Variants in PLAG1 observed in about 807,000 individuals in gnomAD.
PLAG1 encodes zinc finger protein PLAG1.
Under a neutral mutation model 35.5 loss-of-function variants are expected in PLAG1, and 7 were observed. The ratio of observed to expected loss-of-function variants is 0.20; its 90% confidence interval spans 0.11 to 0.37. PLAG1 has a LOEUF of 0.37. Among genes scored for constraint, PLAG1 ranks in the 10% least tolerant of loss-of-function variants. The pLI is 1.00. For missense variants in PLAG1, 454 were observed against 602.8 expected (o/e 0.75, Z 2.58); for synonymous variants, 229 against 225.4 (o/e 1.02, Z -0.14).
chr8:56,198,768 C>T (rs1812458626), intron 1 of PLAG1, among the ~76,000 whole-genome samples: 1 of 152,136 alleles, frequency 6.6e-6, no homozygotes, highest in Non-Finnish European at 1.5e-5. Context: ...GTCCCTCTTC[C>T]CTGGCCCCCA....
chr8:56,173,604 C>T (rs1344737270), intron 2 of PLAG1, among the ~76,000 whole-genome samples: 5 of 150,302 alleles, frequency 3.3e-5, no homozygotes, highest in African/African-American at 1.2e-4. Context: ...AAAAAAAACT[C>T]ACAAAGATTG....
At chr8:56,198,632 C>T (rs1812454531) in intron 1 of PLAG1, among the ~76,000 whole-genome samples, 1 of 152,208 alleles carries the variant, frequency 6.6e-6, no homozygotes, top group Non-Finnish European at 1.5e-5. Flanking sequence ...AGCTCCTCCT[C>T]CAGACCTCAG....
Position 56,164,705 on chromosome 8 carries a change from A to C in PLAG1, c.*1538T>G. On this transcript the variant is annotated 3_prime_UTR_variant, in exon 5 of 5. Transcript: ENST00000316981. ...TAATGTCCCAACTGACCCTTAGAAA[A>C]ATATATTAATTAGACCTTTAAGAAG... 4.6e-6 allele frequency: 1 copy of C among 218,238 alleles called. No homozygotes were observed. The highest frequency in any genetic ancestry group is 9.2e-6 in the Non-Finnish European group (1 of 108,360). 13.5% of individuals were successfully genotyped at this position (218,238 alleles called of 1,614,324 possible).
At position 56,162,936 on chromosome 8, in the gene PLAG1, C is replaced by T. The variant is rs189145171; in HGVS notation, c.*3307G>A. ...CTAAATGAAATAAAAAAGTTGCACACAGAGTGATGCATAATCAGCCAGGAC... is the reference window on the plus strand; with the variant it reads ...CTAAATGAAATAAAAAAGTTGCACATAGAGTGATGCATAATCAGCCAGGAC... On this transcript the variant is annotated 3_prime_UTR_variant, in exon 5 of 5. Coordinates refer to ENST00000316981, the MANE Select transcript of PLAG1 (RefSeq NM_002655.3). 2.2e-3 allele frequency: 464 copies of T among 215,338 alleles called. 2 individuals are homozygous for T. The highest frequency in any genetic ancestry group is 0.01 in the African/African-American group (445 of 44,392). The allele number at this position is 215,338 out of a possible 1,614,324, so 13.3% of individuals were successfully genotyped here.
At chr8:56,203,462 T>C (rs1344036598) in intron 1 of PLAG1, among the ~76,000 whole-genome samples, 2 of 152,104 alleles carry the variant, frequency 1.3e-5, no homozygotes, top group Non-Finnish European at 2.9e-5. Flanking sequence ...TCTTACACCT[T>C]TTTCTTAAAA....
Position 56,166,473 on chromosome 8 carries a change from T to C in PLAG1, c.1273A>G (p.Ile425Val). 6.2e-7 allele frequency: 1 copy of C among 1,613,766 alleles called. No individual in the cohort carries two copies. The highest frequency in any genetic ancestry group is 8.5e-7 in the Non-Finnish European group (1 of 1,179,776). Reference protein sequence around the residue: ...ALDFSQLFNFIPLNGPPYNPL... With the variant: ...ALDFSQLFNFVPLNGPPYNPL... ...TTATAGGGAGGACCATTTAAAGGTA[T>C]GAAATTAAACAACTGAGAAAAATCC... The change falls in exon 5 of 5, where the codon ATA becomes GTA. Residue 425 changes from isoleucine to valine, a missense_variant. By Grantham distance (29) the Ile-to-Val change is conservative (BLOSUM62 3). Around this residue, in one of 4 missense-constraint regions of PLAG1, gnomAD observed 271 missense variants for 315.6 expected, o/e 0.86. Transcript: ENST00000316981.
intron 3 of PLAG1, among the ~76,000 whole-genome samples, 179 bp downstream of exon 3, chr8:56,170,912 T>C (rs1811505815): frequency 6.6e-6 from 1 of 152,230 alleles, no homozygotes; most frequent in African/African-American, 2.4e-5. Flanking sequence ...TGGCTGATAA[T>C]ACCTTTTTAT....
In PLAG1 at chr8:56,210,491, G is replaced by T. The variant is rs561441171; in HGVS notation, c.-322+630C>A. On this transcript the variant is annotated intron_variant, in intron 1 of 4. Coordinates refer to ENST00000316981, the MANE Select transcript of PLAG1 (RefSeq NM_002655.3). ...CCCCGGCTTGCCCACCTGAGGAAAGGGCAAAAACAAATTCATTTCTCCAGA... is the reference window on the plus strand; with the variant it reads ...CCCCGGCTTGCCCACCTGAGGAAAGTGCAAAAACAAATTCATTTCTCCAGA... Among the ~76,000 whole-genome samples the T allele has an allele frequency of 2.0e-5, 3 of 151,226 alleles. No homozygotes were observed. The East Asian group carries it at 5.9e-4, about 30-fold the overall frequency.
chr8:56,162,284 G>C lies in PLAG1; in HGVS notation c.*3959C>G. On this transcript the variant is annotated 3_prime_UTR_variant, in exon 5 of 5. Transcript: ENST00000316981. ...TCCAATGTCACATGGATCTCAGTAG[G>C]CTAGAAGCAACTTGGGTGAACTGGT... is the stretch of plus-strand genomic sequence containing the variant. The C allele has an allele frequency of 4.4e-6, 1 of 228,530 alleles. No individual in the cohort carries two copies. The allele number at this position is 228,530 out of a possible 1,614,324, so 14.2% of individuals were successfully genotyped here. A position where few individuals can be genotyped will look rare whatever the true frequency, so the allele number is the denominator to read the frequency against.
Position 56,166,698 on chromosome 8 carries a change from G to T in PLAG1, c.1048C>A (p.Gln350Lys). ...SYAISIPEKE[Q>K]PLKGEIESYL... The stretch of plus-strand genomic sequence containing the variant: ...CTCTCAATTTCCCCCTTTAATGGCT[G>T]TTCTTTTTCAGGAATAGAAATTGCA... The change falls in exon 5 of 5, where the codon CAG (glutamine) becomes AAG (lysine). Residue 350 changes from glutamine to lysine, a missense_variant. By Grantham distance (53) the Gln-to-Lys change is moderately conservative (BLOSUM62 1). Transcript: ENST00000316981. The T allele has an allele frequency of 1.2e-6, 2 of 1,613,992 alleles. No individual in the cohort carries two copies. Among genetic ancestry groups the T allele is most frequent in the Non-Finnish European group, 1.7e-6 (2 of 1,179,908 alleles).
At chr8:56,185,656 C>T (rs375513695) in intron 1 of PLAG1, among the ~76,000 whole-genome samples, 15 of 152,214 alleles carry the variant, frequency 9.9e-5, no homozygotes, top group African/African-American at 3.6e-4. Context: ...TTTAGAGCCA[C>T]ATTCTCAGCT....
chr8:56,162,961 C>A lies in PLAG1; in HGVS notation c.*3282G>T. Reference sequence around the variant, plus strand: ...CAGAGTGATGCATAATCAGCCAGGACAATTGAAGTTTTAAAAAACTGAACT... The same window carrying A: ...CAGAGTGATGCATAATCAGCCAGGAAAATTGAAGTTTTAAAAAACTGAACT... On this transcript the variant is annotated 3_prime_UTR_variant, in exon 5 of 5. Transcript: ENST00000316981. 4.7e-6 allele frequency: 1 copy of A among 213,074 alleles called. No homozygotes were observed. Among genetic ancestry groups the A allele is most frequent in the African/African-American group, 2.3e-5 (1 of 44,254 alleles). 13.2% of individuals were successfully genotyped at this position (213,074 alleles called of 1,614,324 possible).
chr8:56,171,970 A>G (rs1175167349), intron 2 of PLAG1, among the ~76,000 whole-genome samples: 1 of 152,226 alleles, frequency 6.6e-6, no homozygotes, highest in Non-Finnish European at 1.5e-5. Flanking sequence ...AGTAAACATG[A>G]AAAGAATAAC....
chr8:56,201,718 CT>C (rs1485864518), intron 1 of PLAG1, among the ~76,000 whole-genome samples: 29 of 152,292 alleles, frequency 1.9e-4, no homozygotes, highest in African/African-American at 7.0e-4. Context: ...ATTATTGCTT[CT>C]TGCATACACA....
rs1811370798 is a variant in PLAG1, at chr8:56,166,824, T to A, written c.922A>T (p.Ile308Phe). Residue 308 changes from isoleucine to phenylalanine, a missense_variant, in exon 5 of 5, where the codon ATC becomes TTC. Coordinates refer to ENST00000316981, the MANE Select transcript of PLAG1 (RefSeq NM_002655.3). Reference sequence around the variant, plus strand: ...GTCATTCCCAAAGGTAAAGTTGTGATCATTTGGTGGGCAGATCCCGAGCTC... The same window carrying A: ...GTCATTCCCAAAGGTAAAGTTGTGAACATTTGGTGGGCAGATCCCGAGCTC... ...MQSSGSAHQM[I>F]TTLPLGMTCP... The A allele has an allele frequency of 6.2e-7, 1 of 1,614,090 alleles. No homozygotes were observed. Among genetic ancestry groups the A allele is most frequent in the African/African-American group, 1.3e-5 (1 of 75,038 alleles).
chr8:56,188,404 C>T (rs1006921463), intron 1 of PLAG1, among the ~76,000 whole-genome samples: 2 of 152,202 alleles, frequency 1.3e-5, no homozygotes, highest in African/African-American at 4.8e-5. Flanking sequence ...TGTGTGATAG[C>T]TGATGCTTCT....
intron 1 of PLAG1, among the ~76,000 whole-genome samples, chr8:56,181,602 A>G (rs1811865704): frequency 6.6e-6 from 1 of 152,136 alleles, no homozygotes; most frequent in Non-Finnish European, 1.5e-5. Context: ...GGATAGCATT[A>G]GGAGAAATAC....
chr8:56,187,655 G>A (rs1386163237), intron 1 of PLAG1, among the ~76,000 whole-genome samples: 2 of 152,124 alleles, frequency 1.3e-5, no homozygotes, highest in African/African-American at 4.8e-5. Context: ...AAAAAATAAG[G>A]GTTTGTTTTT....
chr8:56,172,226 A>T (rs1811550311), intron 2 of PLAG1, among the ~76,000 whole-genome samples: 1 of 152,216 alleles, frequency 6.6e-6, no homozygotes. Flanking sequence ...ATGATGTCTA[A>T]ATAAAGTATT....
Sources: gnomAD v4.1 joint callset for allele counts (sites outside exome capture counted in the v4.1 genomes callset) on GRCh38, gnomAD v4.1.1 for gene constraint, gnomAD v4.1.1 regional missense constraint, MANE v1.5 for transcripts, NCBI Gene and HGNC (gene_info 2026-07-23, HGNC 2026-07-21) for gene names.